DOCK11: variants seen among roughly 807,000 people sequenced by gnomAD.
DOCK11 encodes the protein dedicator of cytokinesis protein 11.
Under a neutral mutation model 169.1 loss-of-function variants are expected in DOCK11, and 70 were observed. The ratio of observed to expected loss-of-function variants is 0.41; its 90% CI spans 0.34 to 0.51. The LOEUF (loss-of-function observed/expected upper bound fraction) is 0.51. Among genes scored for constraint, DOCK11 ranks in the 20% least tolerant of loss-of-function variants. DOCK11 has a pLI of 0.10. For missense variants in DOCK11, 1,166 were observed against 1,538.8 expected (o/e 0.76, Z 4.05); for synonymous variants, 529 against 541.3 (o/e 0.98, Z 0.32).
chrX:118,526,420 C>T (rs1052703138), intron 1 of DOCK11, among the ~76,000 whole-genome samples: 2 of 112,234 alleles, frequency 1.8e-5, no homozygotes, highest in Non-Finnish European at 3.8e-5. Context: ...GCCAAGGGTC[C>T]CTGAGGGAGA....
intron 20 of DOCK11, among the ~76,000 whole-genome samples, chrX:118,595,844 A>C (rs964122375): frequency 3.6e-5 from 4 of 111,627 alleles, no homozygotes; most frequent in Admixed American, 1.9e-4. Context: ...TTTACAGTAC[A>C]AAAATGTTGC....
chrX:118,557,677 T>C (rs1457220685), intron 6 of DOCK11, among the ~76,000 whole-genome samples: 1 of 93,573 alleles, frequency 1.1e-5, no homozygotes, highest in African/African-American at 4.2e-5. Context: ...GGCCGGAGAA[T>C]GGCGTGAACC....
At chrX:118,677,359 C>T (rs1197132604) in intron 48 of DOCK11, among the ~76,000 whole-genome samples, 2 of 112,053 alleles carry the variant, frequency 1.8e-5, no homozygotes, top group Admixed American at 1.9e-4. Flanking sequence ...CAAGAGAGGC[C>T]CTTTCCTAGG....
chrX:118,659,591 G>C lies in DOCK11; in HGVS notation c.4970-3095G>C, dbSNP rs1347972819. ...TGGGTGTTGATAACTTTAGCAAAAA[G>C]GGGGAGGAATATAGTCATCTCTGGG... On this transcript the variant is annotated intron_variant, in intron 44 of 52. Transcript: ENST00000276202. 4.5e-5 allele frequency among the ~76,000 whole-genome samples: 5 copies of C among 112,094 alleles called. No homozygotes were observed. In the East Asian group the frequency reaches 1.4e-3, roughly 31 times the overall value.
chrX:118,651,984 A>G lies in DOCK11; in HGVS notation c.4602A>G (p.Gln1534=). 1 of 1,199,535 alleles carries G rather than the reference A, an allele frequency of 8.3e-7. No homozygotes were observed. Among genetic ancestry groups the G allele is most frequent in the Non-Finnish European group, 1.1e-6 (1 of 889,367 alleles). ...CACAGATAATAATTGCTGTAAGCCA[A>G]CTGATAGCTGATGTAGCACTAAGCG... ...THLQIIIAVS[Q]LIADVALSGG... Residue 1534 remains glutamine (Q), a synonymous_variant, in exon 42 of 53, where the codon CAA becomes CAG. Coordinates refer to ENST00000276202, the MANE Select transcript of DOCK11 (RefSeq NM_144658.4).
At position 118,662,801 on chromosome X, in the gene DOCK11, T is replaced by C; in HGVS notation, c.5076+9T>C. 9.7e-7 allele frequency: 1 copy of C among 1,030,627 alleles called. No homozygotes were observed. 84.9% of individuals were successfully genotyped at this position (1,030,627 alleles called of 1,213,427 possible). A position where few individuals can be genotyped will look rare whatever the true frequency, so the allele number is the denominator to read the frequency against. ...ATGTCCATTATAGTGAAGTAAGGATTCCAGGGCCTGCATTGCCAGTTATAT... is the reference window on the plus strand; with the variant it reads ...ATGTCCATTATAGTGAAGTAAGGATCCCAGGGCCTGCATTGCCAGTTATAT... On this transcript the variant is annotated intron_variant, in intron 45 of 52. Coordinates refer to ENST00000276202, the MANE Select transcript of DOCK11 (RefSeq NM_144658.4).
At chrX:118,566,971 A>G (rs963730113) in intron 9 of DOCK11, among the ~76,000 whole-genome samples, 1 of 112,312 alleles carries the variant, frequency 8.9e-6, no homozygotes, top group Non-Finnish European at 1.9e-5. Context: ...TTCTTCTTCC[A>G]AAAGGATAAT....
intron 6 of DOCK11, among the ~76,000 whole-genome samples, chrX:118,553,456 C>A (rs1473412286): frequency 8.9e-6 from 1 of 111,887 alleles, no homozygotes; most frequent in Non-Finnish European, 1.9e-5. Context: ...ATTCCTCTAG[C>A]TCTCTCCTCC....
chrX:118,630,388 A>T lies in DOCK11; in HGVS notation c.3784A>T (p.Ser1262Cys). The T allele has an allele frequency of 8.3e-7, 1 of 1,198,507 alleles. No homozygotes were observed. Among genetic ancestry groups the T allele is most frequent in the Non-Finnish European group, 1.1e-6 (1 of 885,464 alleles). Reference protein sequence around the residue: ...QGNTGENTRQSSTRSSVSQYN... With the variant: ...QGNTGENTRQCSTRSSVSQYN... ...CATCCTGTCCTTACAGACCCGACAG[A>T]GTTCTACAAGGAGTAGTGTATCCCA... Residue 1262 changes from serine to cysteine, a missense_variant, in exon 35 of 53, where the codon AGT (serine) becomes TGT (cysteine). Ser to Cys is a moderately radical substitution (Grantham distance 112, BLOSUM62 -1). Coordinates refer to ENST00000276202, the MANE Select transcript of DOCK11 (RefSeq NM_144658.4).
intron 1 of DOCK11, among the ~76,000 whole-genome samples, chrX:118,519,815 C>T (rs1468041577): frequency 9.0e-6 from 1 of 111,630 alleles, no homozygotes; most frequent in Non-Finnish European, 1.9e-5. Context: ...ATGCAAGTAA[C>T]CATCCACTAA....
chrX:118,628,190 G>C lies in DOCK11; in HGVS notation c.3692G>C (p.Gly1231Ala), dbSNP rs186850825. 2 of 1,205,408 alleles carry C rather than the reference G, an allele frequency of 1.7e-6. No individual in the cohort carries two copies. The highest frequency in any genetic ancestry group is 2.2e-6 in the Non-Finnish European group (2 of 891,322). The stretch of plus-strand genomic sequence containing the variant: ...TATGGGTCTTTTCAAAATGGACATG[G>C]AATTAAGAGAGAAGATTCAAGAGGT... ...TAYGSFQNGH[G>A]IKREDSRGSL... The change falls in exon 34 of 53, where the codon GGA becomes GCA. Residue 1231 changes from glycine to alanine, a missense_variant. Gly to Ala is a moderately conservative substitution (Grantham distance 60). Coordinates refer to ENST00000276202, the MANE Select transcript of DOCK11 (RefSeq NM_144658.4).
intron 34 of DOCK11, among the ~76,000 whole-genome samples, chrX:118,629,625 G>A (rs766990040): frequency 1.3e-4 from 14 of 110,141 alleles, no homozygotes; most frequent in African/African-American, 3.0e-4. Context: ...TGTAATTATC[G>A]TAATATAATT....
chrX:118,532,780 C>CAAAAA (rs140455489), intron 1 of DOCK11, among the ~76,000 whole-genome samples: 5 of 46,733 alleles, frequency 1.1e-4, no homozygotes, highest in South Asian at 1.5e-3. Flanking sequence ...GACTCTGTCT[C>CAAAAA]AAAAAAAAAA....
At chrX:118,664,364 G>A (rs765785784) in intron 45 of DOCK11, among the ~76,000 whole-genome samples, 2 of 111,777 alleles carry the variant, frequency 1.8e-5, no homozygotes, top group African/African-American at 6.5e-5. Context: ...CATTAGAAAT[G>A]TGGAACTGAG....
chrX:118,605,152 C>T (rs921107625), intron 23 of DOCK11, 86 bp from the exon 24 acceptor site: 6 of 570,295 alleles, frequency 1.1e-5, no homozygotes, highest in Non-Finnish European at 1.7e-5. Flanking sequence ...ATGTATTTCT[C>T]ACTACTTAAT....
chrX:118,660,792 T>G (rs2016196279), intron 44 of DOCK11, among the ~76,000 whole-genome samples: 1 of 111,052 alleles, frequency 9.0e-6, no homozygotes, highest in Non-Finnish European at 1.9e-5. Context: ...TTATCTACTT[T>G]ATTTGAACAA....
At chrX:118,571,616 T>C (rs548770681) in intron 10 of DOCK11, among the ~76,000 whole-genome samples, 114 of 112,027 alleles carry the variant, frequency 1.0e-3, no homozygotes, top group African/African-American at 3.6e-3. Flanking sequence ...TACATATTAG[T>C]TTTGATGCTT....
intron 6 of DOCK11, among the ~76,000 whole-genome samples, chrX:118,557,555 T>TTAG (rs2012739596): frequency 9.2e-6 from 1 of 108,287 alleles, no homozygotes; most frequent in African/African-American, 3.4e-5. Flanking sequence ...GATCACGAGG[T>TTAG]CAGATCGAGA....
chrX:118,578,050 CA>C (rs1368614945), intron 12 of DOCK11, among the ~76,000 whole-genome samples: 2 of 112,212 alleles, frequency 1.8e-5, no homozygotes, highest in Non-Finnish European at 3.8e-5. Context: ...CCTACCTTTG[CA>C]TTGGAAGCAC....
Sources: gnomAD v4.1 joint callset for allele counts (sites outside exome capture counted in the v4.1 genomes callset) on GRCh38, gnomAD v4.1.1 for gene constraint, MANE v1.5 for transcripts, NCBI Gene and HGNC (gene_info 2026-07-23, HGNC 2026-07-21) for gene names.